Variants in XKR3 observed in about 807,000 individuals in gnomAD.
The protein encoded by XKR3 is XK-related protein 3.
Under a neutral mutation model 40.3 loss-of-function variants are expected in XKR3, and 27 were observed. The ratio of observed to expected loss-of-function variants is 0.67; its 90% confidence interval spans 0.49 to 0.92. The LOEUF (loss-of-function observed/expected upper bound fraction) is 0.92, where lower values mean the gene tolerates loss of function less well. Among genes scored for constraint, XKR3 ranks in the 40% least tolerant of loss-of-function variants. XKR3 has a pLI of 0.00. For synonymous variants in XKR3, 193 were observed against 195.4 expected, an observed-to-expected ratio of 0.99 and a Z score of 0.10; for missense variants, 472 against 537.6, an observed-to-expected ratio of 0.88 and a Z score of 1.21.
chr22:16,794,476 A>C (rs1444122204), intron 3 of XKR3, among the ~76,000 whole-genome samples: 1 of 152,204 alleles, frequency 6.6e-6, no homozygotes, highest in African/African-American at 2.4e-5. Flanking sequence ...AAGATTCATA[A>C]GGAAAAAAGA....
At chr22:16,801,218 T>G (rs1175989634) in intron 2 of XKR3, among the ~76,000 whole-genome samples, 1 of 150,264 alleles carries the variant, frequency 6.7e-6, no homozygotes, top group Non-Finnish European at 1.5e-5. Flanking sequence ...GTCTTATATA[T>G]CCTAGGCAGA....
At chr22:16,793,287 C>T (rs2060128063) in intron 3 of XKR3, among the ~76,000 whole-genome samples, 1 of 152,228 alleles carries the variant, frequency 6.6e-6, no homozygotes, top group Admixed American at 6.5e-5. Context: ...GCTGGGATTA[C>T]AGGCGTGAGC....
intron 3 of XKR3, among the ~76,000 whole-genome samples, chr22:16,790,253 T>G (rs1347065563): frequency 1.3e-5 from 2 of 151,670 alleles, no homozygotes; most frequent in Non-Finnish European, 2.9e-5. Flanking sequence ...AGGATTTTTT[T>G]TTTTTTTTTG....
At chr22:16,791,478 C>T (rs1177828719) in intron 3 of XKR3, among the ~76,000 whole-genome samples, 1 of 151,366 alleles carries the variant, frequency 6.6e-6, no homozygotes. Context: ...AGCAGGGTCA[C>T]TACAGTTAGT....
Position 16,783,881 on chromosome 22 carries a change from C to A in XKR3, c.1118G>T (p.Cys373Phe), listed in dbSNP as rs1352974525. The A allele has an allele frequency of 6.2e-7, 1 of 1,614,132 alleles. No individual in the cohort carries two copies. The highest frequency in any genetic ancestry group is 8.5e-7 in the Non-Finnish European group (1 of 1,180,026). Residue 373 changes from cysteine (C) to phenylalanine (F), a missense_variant, in exon 4 of 4, where the codon TGT becomes TTT. Physicochemically the swap from Cys to Phe is radical, Grantham distance 205. Transcript: ENST00000684488. ...CTGCACGGCAATTAATGAGTCACAA[C>A]AATTCAGCAAAGTTTTCCCTCCAAA... ...RFFGGKTLLN[C>F]CDSLIAVQLI...
chr22:16,822,269 T>C (rs2060260080), intron 1 of XKR3, among the ~76,000 whole-genome samples: 1 of 152,120 alleles, frequency 6.6e-6, no homozygotes, highest in South Asian at 2.1e-4. Context: ...CATAGAGAAG[T>C]GTAATACCTC....
chr22:16,787,178 A>G (rs1418933566), intron 3 of XKR3, among the ~76,000 whole-genome samples: 1 of 152,122 alleles, frequency 6.6e-6, no homozygotes, highest in Non-Finnish European at 1.5e-5. Context: ...AATTAAAAAT[A>G]TACAGTCAGA....
intron 1 of XKR3, among the ~76,000 whole-genome samples, chr22:16,816,458 C>T (rs1157640519): frequency 6.6e-6 from 1 of 151,424 alleles, no homozygotes; most frequent in African/African-American, 2.4e-5. Context: ...ATCAAAAGGG[C>T]CCAGTTAGTT....
intron 3 of XKR3, among the ~76,000 whole-genome samples, chr22:16,787,223 T>C (rs1293393369): frequency 6.6e-6 from 1 of 151,082 alleles, no homozygotes; most frequent in Non-Finnish European, 1.5e-5. Context: ...GTTCATAGGA[T>C]TTATGTGATA....
chr22:16,814,762 T>C (rs1569043430), intron 1 of XKR3, among the ~76,000 whole-genome samples: 1 of 152,146 alleles, frequency 6.6e-6, no homozygotes, highest in Non-Finnish European at 1.5e-5. Context: ...ATTTTTGGAT[T>C]GCTCTTTGTT....
At chr22:16,813,203 G>A (rs970945243) in intron 1 of XKR3, among the ~76,000 whole-genome samples, 4 of 151,944 alleles carry the variant, frequency 2.6e-5, no homozygotes, top group Non-Finnish European at 5.9e-5. Context: ...AGTATGGCGT[G>A]AACCTGGGAG....
At chr22:16,824,338 T>G (rs2060266508) in intron 1 of XKR3, among the ~76,000 whole-genome samples, 1 of 152,104 alleles carries the variant, frequency 6.6e-6, no homozygotes, top group Non-Finnish European at 1.5e-5. Context: ...TAATGTCCAT[T>G]AGGGATAAAA....
intron 3 of XKR3, among the ~76,000 whole-genome samples, chr22:16,794,098 G>A (rs1266201873): frequency 5.9e-5 from 9 of 152,126 alleles, no homozygotes; most frequent in Non-Finnish European, 8.8e-5. Context: ...GAGAGAAAAG[G>A]AGGAAGAATA....
chr22:16,788,774 T>A (rs766460187), intron 3 of XKR3, among the ~76,000 whole-genome samples: 215 of 152,158 alleles, frequency 1.4e-3, no homozygotes, highest in Non-Finnish European at 2.6e-3. Flanking sequence ...ATAATGCACA[T>A]TTAGAAAATC....
chr22:16,824,495 G>A (rs1418006715), intron 1 of XKR3, among the ~76,000 whole-genome samples: 1 of 151,892 alleles, frequency 6.6e-6, no homozygotes, highest in Non-Finnish European at 1.5e-5. Context: ...AGGAATGGAG[G>A]GAGAGAGCAC....
At chr22:16,824,498 G>C (rs1176173990) in intron 1 of XKR3, among the ~76,000 whole-genome samples, 3 of 151,838 alleles carry the variant, frequency 2.0e-5, no homozygotes, top group Non-Finnish European at 2.9e-5. Flanking sequence ...AATGGAGGGA[G>C]AGAGCACAAA....
At chr22:16,819,249 A>C (rs2060246279) in intron 1 of XKR3, among the ~76,000 whole-genome samples, 1 of 152,178 alleles carries the variant, frequency 6.6e-6, no homozygotes, top group African/African-American at 2.4e-5. Flanking sequence ...TCCTATCAAA[A>C]TCTCAAAAAG....
intron 3 of XKR3, among the ~76,000 whole-genome samples, chr22:16,792,516 G>A (rs2060124611): frequency 1.3e-5 from 2 of 152,274 alleles, no homozygotes; most frequent in Non-Finnish European, 1.5e-5. Flanking sequence ...GGTTTATTCA[G>A]CCATCATTTG....
intron 2 of XKR3, among the ~76,000 whole-genome samples, chr22:16,804,113 C>T (rs2060180127): frequency 6.6e-6 from 1 of 152,078 alleles, no homozygotes; most frequent in Non-Finnish European, 1.5e-5. Flanking sequence ...AAATCCAACA[C>T]ATCTCAAAAT....
Sources: allele counts gnomAD v4.1 joint callset (sites outside exome capture counted in the v4.1 genomes callset), GRCh38; gene constraint gnomAD v4.1.1; transcripts MANE v1.5; gene names NCBI Gene and HGNC (gene_info 2026-07-23, HGNC 2026-07-21).